CDHR1: variants seen among roughly 807,000 people sequenced by gnomAD.
CDHR1 encodes cadherin related family member 1.
In CDHR1, 61 loss-of-function variants were observed where a neutral mutation model predicts 72.1. The observed-to-expected ratio is 0.85, with a 90% CI of 0.69 to 1.05. The LOEUF is 1.05. Ranked by LOEUF, CDHR1 falls within the 50% of genes least tolerant of loss-of-function variation. The probability of loss-of-function intolerance (pLI) is 0.00; values close to 1 mark genes in which losing one functional copy is unlikely to be tolerated. For synonymous variants in CDHR1, 470 were observed against 448.1 expected, an observed-to-expected ratio of 1.05 and a Z score of -0.62; for missense variants, 1,186 against 1,115.7, an observed-to-expected ratio of 1.06 and a Z score of -0.90.
chr10:84,212,180 T>A lies in CDHR1; in HGVS notation c.1555T>A (p.Phe519Ile), dbSNP rs1306411681. The A allele has an allele frequency of 6.2e-7, 1 of 1,614,048 alleles. No homozygotes were observed. The highest frequency in any genetic ancestry group is 1.7e-5 in the Admixed American group (1 of 60,024). The change falls in exon 15 of 17, where the codon TTC (phenylalanine) becomes ATC (isoleucine). Residue 519 changes from phenylalanine to isoleucine, a missense_variant and splice_region_variant. Coordinates refer to ENST00000623527, the MANE Select transcript of CDHR1 (RefSeq NM_033100.4). ...ATGCCTATGTGCTCTGCCTGGCAGC[T>A]TCCTGATCCACCCATCCACTGGGCT... ...YSTYGTGADL[F>I]LIHPSTGLIY... is the part of the protein sequence containing the mutation.
At chr10:84,212,896 C>G in intron 15 of CDHR1, 195 bp from the exon 16 acceptor site, 1 of 669,376 alleles carries the variant, frequency 1.5e-6, no homozygotes, top group Non-Finnish European at 2.6e-6. Flanking sequence ...ATCGGCTAGC[C>G]CATGTGTAAG....
chr10:84,206,369 G>A (rs1842226568), intron 10 of CDHR1, among the ~76,000 whole-genome samples: 1 of 152,210 alleles, frequency 6.6e-6, no homozygotes, highest in South Asian at 2.1e-4. Flanking sequence ...CAAAGGTCCT[G>A]AATGGGAGGT....
intron 12 of CDHR1, 58 bp downstream of exon 12, chr10:84,208,939 G>A (rs548720410): frequency 1.3e-6 from 2 of 1,564,180 alleles, no homozygotes; most frequent in East Asian, 4.6e-5. Flanking sequence ...ATTCATACCA[G>A]CATCTTGGTT....
intron 9 of CDHR1, among the ~76,000 whole-genome samples, chr10:84,205,406 A>G (rs1220655326): frequency 6.7e-6 from 1 of 149,514 alleles, no homozygotes. Context: ...GTCCCACTCC[A>G]CACCCTCCCT....
intron 14 of CDHR1, among the ~76,000 whole-genome samples, 173 bp from the exon 15 acceptor site, chr10:84,212,006 T>C (rs1206404824): frequency 6.6e-6 from 1 of 152,210 alleles, no homozygotes; most frequent in African/African-American, 2.4e-5. Flanking sequence ...AGTCCACATG[T>C]GGATCTACCT....
At chr10:84,203,176 A>T in intron 8 of CDHR1, 53 bp downstream of exon 8, 1 of 1,611,196 alleles carries the variant, frequency 6.2e-7, no homozygotes, top group Non-Finnish European at 8.5e-7. Context: ...TCCTGCCCTG[A>T]CCCTTGTGAT....
At chr10:84,208,686 A>G in intron 11 of CDHR1, 43 bp from the exon 12 acceptor site, 1 of 1,588,414 alleles carries the variant, frequency 6.3e-7, no homozygotes, top group South Asian at 1.1e-5. Flanking sequence ...ATGAATTTCT[A>G]TCATCATTCA....
At chr10:84,198,842 A>G (rs978961417) in intron 4 of CDHR1, among the ~76,000 whole-genome samples, 190 bp from the exon 5 acceptor site, 3 of 152,222 alleles carry the variant, frequency 2.0e-5, no homozygotes, top group Non-Finnish European at 4.4e-5. Flanking sequence ...CCAGGATGAA[A>G]CACAGTGTTT....
intron 16 of CDHR1, among the ~76,000 whole-genome samples, chr10:84,213,693 C>G (rs1402251140): frequency 6.6e-6 from 1 of 152,132 alleles, no homozygotes; most frequent in Non-Finnish European, 1.5e-5. Context: ...TAAGAGACTC[C>G]TGATACATCT....
At chr10:84,208,645 G>C (rs897640272) in intron 11 of CDHR1, 84 bp from the exon 12 acceptor site, 1 of 1,378,154 alleles carries the variant, frequency 7.3e-7, no homozygotes, top group Admixed American at 1.7e-5. Flanking sequence ...CCAGGGTTAA[G>C]GGCACGTGAA....
intron 9 of CDHR1, 178 bp from the exon 10 acceptor site, chr10:84,205,649 G>T: frequency 1.5e-6 from 1 of 662,612 alleles, no homozygotes; most frequent in Non-Finnish European, 2.7e-6. Context: ...CACTAACTGT[G>T]TAGCCTTAGA....
At chr10:84,201,640 A>T (rs1031144810) in intron 6 of CDHR1, among the ~76,000 whole-genome samples, 167 bp from the exon 7 acceptor site, 1 of 152,172 alleles carries the variant, frequency 6.6e-6, no homozygotes. Context: ...CCCAAGTCCT[A>T]TGAAGGAGAA....
In CDHR1 at chr10:84,207,977, C is replaced by A. The variant is rs150747029; in HGVS notation, c.964-197C>A. On this transcript the variant is annotated intron_variant, in intron 10 of 16. Transcript: ENST00000623527. ...TCGGCAAGAGAGAGAGTTCACAAGA[C>A]AGACGTTACAATCTCTTGTCATGTA... Among the ~76,000 whole-genome samples the A allele has an allele frequency of 2.6e-4, 39 of 152,178 alleles. 1 individual carries two copies. The highest frequency in any genetic ancestry group is 5.1e-4 in the Non-Finnish European group (35 of 68,022).
chr10:84,213,940 C>T, intron 16 of CDHR1, 142 bp from the exon 17 acceptor site: 1 of 1,075,588 alleles, frequency 9.3e-7, no homozygotes, highest in Non-Finnish European at 1.4e-6. Flanking sequence ...GGACAAAAGC[C>T]CATAGTGCCT....
Position 84,202,570 on chromosome 10 carries a change from G to C in CDHR1, c.640-410G>C, listed in dbSNP as rs145664909. 5.9e-4 allele frequency among the ~76,000 whole-genome samples: 90 copies of C among 152,326 alleles called. No individual in the cohort carries two copies. In the East Asian group the frequency reaches 0.016, roughly 26 times the overall value. On this transcript the variant is annotated intron_variant, in intron 7 of 16. Transcript: ENST00000623527. ...GCCCATAGCTGCACGGGCTGGGCTG[G>C]TTGCACATCTCCATTATGATGCTCA...
rs1842324764 is a variant in CDHR1, at chr10:84,211,178, C to T, written c.1485+13C>T. On this transcript the variant is annotated intron_variant, in intron 13 of 16. Transcript: ENST00000623527. ...GGTGGCTGTCACAGTGGGTTGGGCA[C>T]TGGCCCAGGGACTGGGTGGGATAGG... 3.7e-6 allele frequency: 6 copies of T among 1,613,960 alleles called. No individual in the cohort carries two copies. Among genetic ancestry groups the T allele is most frequent in the Non-Finnish European group, 5.1e-6 (6 of 1,179,940 alleles).
At position 84,203,055 on chromosome 10, in the gene CDHR1, G is replaced by A; in HGVS notation, c.715G>A (p.Val239Ile). 2 of 1,614,234 alleles carry A rather than the reference G, an allele frequency of 1.2e-6. No individual in the cohort carries two copies. The highest frequency in any genetic ancestry group is 1.1e-5 in the South Asian group (1 of 91,086). ...CACGGTCACGGTCAATGTGGAGGATGTTCAGGACATGGCCCCTGTCTTCGT... is the reference window on the plus strand; with the variant it reads ...CACGGTCACGGTCAATGTGGAGGATATTCAGGACATGGCCCCTGTCTTCGT... ...TTTVTVNVED[V>I]QDMAPVFVGT... Residue 239 changes from valine (V) to isoleucine (I), a missense_variant, in exon 8 of 17, where the codon GTT (valine) becomes ATT (isoleucine). Transcript: ENST00000623527.
At position 84,213,115 on chromosome 10, in the gene CDHR1, C is replaced by T. The variant is rs1208033607; in HGVS notation, c.1807C>T (p.Pro603Ser). Residue 603 changes from proline (P) to serine (S), a missense_variant, in exon 16 of 17, where the codon CCC becomes TCC. Physicochemically the swap from Pro to Ser is moderately conservative, Grantham distance 74 (BLOSUM62 -1). Coordinates refer to ENST00000623527, the MANE Select transcript of CDHR1 (RefSeq NM_033100.4). ...GGCCATAGACGAGGATGCAGAGGAA[C>T]CCAACAACCTGGTGGACTATTCCAT... ...IEAIDEDAEE[P>S]NNLVDYSITH... 10 of 1,614,108 alleles carry T rather than the reference C, an allele frequency of 6.2e-6. No individual in the cohort carries two copies. The highest frequency in any genetic ancestry group is 1.6e-4 in the Middle Eastern group (1 of 6,084).
Position 84,215,825 on chromosome 10 carries a change from G to A in CDHR1, c.*1204G>A. On this transcript the variant is annotated 3_prime_UTR_variant, in exon 17 of 17. Coordinates refer to ENST00000623527, the MANE Select transcript of CDHR1 (RefSeq NM_033100.4). Reference sequence around the variant, plus strand: ...TACCACTGGATGATGGCATTGCCGTGACTCACACACCTCTACTTCTGTTCT... The same window carrying A: ...TACCACTGGATGATGGCATTGCCGTAACTCACACACCTCTACTTCTGTTCT... The A allele has an allele frequency of 2.0e-6, 2 of 985,506 alleles. No homozygotes were observed. Among genetic ancestry groups the A allele is most frequent in the Non-Finnish European group, 2.4e-6 (2 of 830,034 alleles). The allele number at this position is 985,506 out of a possible 1,614,324, so 61.0% of individuals were successfully genotyped here.
Sources: allele counts gnomAD v4.1 joint callset (sites outside exome capture counted in the v4.1 genomes callset), GRCh38; gene constraint gnomAD v4.1.1; transcripts MANE v1.5; gene names NCBI Gene and HGNC (gene_info 2026-07-23, HGNC 2026-07-21).